Variants in FUT8 observed in about 807,000 individuals in gnomAD.
FUT8 encodes the protein alpha-(1,6)-fucosyltransferase.
FUT8 carries 29 observed loss-of-function variants against 71.3 expected under a neutral mutation model. The ratio of observed to expected loss-of-function variants is 0.41; its 90% confidence interval spans 0.30 to 0.55. FUT8 has a LOEUF of 0.55. Among genes scored for constraint, FUT8 ranks in the 20% least tolerant of loss-of-function variants. FUT8 has a pLI of 0.34. For synonymous variants in FUT8, 254 were observed against 239.3 expected (o/e 1.06, Z -0.57); for missense variants, 544 against 702.1 (o/e 0.77, Z 2.55).
chr14:65,458,440 A>G (rs1049925811), intron 2 of FUT8, among the ~76,000 whole-genome samples: 1 of 152,240 alleles, frequency 6.6e-6, no homozygotes, highest in African/African-American at 2.4e-5. Flanking sequence ...GATGAAAGTG[A>G]TAGAAACTGT....
intron 6 of FUT8, among the ~76,000 whole-genome samples, chr14:65,636,991 G>C (rs1013539485): frequency 9.2e-5 from 14 of 152,168 alleles, no homozygotes; most frequent in African/African-American, 2.9e-4. Context: ...AGCAAATCTT[G>C]TAAGGGCTTT....
intron 2 of FUT8, among the ~76,000 whole-genome samples, chr14:65,527,870 G>T (rs1883607492): frequency 6.6e-6 from 1 of 152,180 alleles, no homozygotes; most frequent in Non-Finnish European, 1.5e-5. Context: ...AATGCATATT[G>T]CTGAACAGCA....
At chr14:65,644,656 C>T (rs920319699) in intron 6 of FUT8, among the ~76,000 whole-genome samples, 21 of 152,186 alleles carry the variant, frequency 1.4e-4, no homozygotes, top group East Asian at 1.4e-3. Flanking sequence ...CCACCGCGCC[C>T]GGCCAATTAT....
intron 7 of FUT8, among the ~76,000 whole-genome samples, chr14:65,702,730 G>A (rs1894367569): frequency 5.3e-5 from 8 of 151,838 alleles, no homozygotes; most frequent in Admixed American, 5.2e-4. Flanking sequence ...GTTACATAGG[G>A]TAGAAATTTT....
intron 10 of FUT8, among the ~76,000 whole-genome samples, chr14:65,738,632 A>G (rs78044333): frequency 0.018 from 2,681 of 152,168 alleles, 80 homozygotes; most frequent in African/African-American, 0.061. Context: ...CTGAGTATGG[A>G]CGTCAGCTGC....
In FUT8 at chr14:65,489,619, A is replaced by C. The variant is rs987585526; in HGVS notation, c.-228+33901A>C. Among the ~76,000 whole-genome samples the C allele has an allele frequency of 6.6e-6, 1 of 152,178 alleles. No individual in the cohort carries two copies. The highest frequency in any genetic ancestry group is 2.4e-5 in the African/African-American group (1 of 41,470). On this transcript the variant is annotated intron_variant, in intron 2 of 10. Coordinates refer to ENST00000673929, the MANE Select transcript of FUT8 (RefSeq NM_001371533.1). The surrounding 1 kb of genome is among the most constrained non-coding windows in gnomAD (Gnocchi z 4.0). ...GAAATTAGCTGTTGATCATATTTAA[A>C]ATATAACATAAAAATGAGTCTTAAA...
At chr14:65,424,539 C>CTTTTTTTT (rs796843891) in intron 1 of FUT8, among the ~76,000 whole-genome samples, 8 of 125,442 alleles carry the variant, frequency 6.4e-5, no homozygotes, top group Non-Finnish European at 8.3e-5. Context: ...CTTTTCTTTT[C>CTTTTTTTT]TTTTTTTTTT....
intron 2 of FUT8, among the ~76,000 whole-genome samples, chr14:65,481,687 G>GTTT (rs567062781): frequency 6.6e-6 from 1 of 151,462 alleles, no homozygotes; most frequent in Non-Finnish European, 1.5e-5. Context: ...CTTTTCTAAA[G>GTTT]TTTTTTTTTA....
chr14:65,457,177 T>C (rs1594650422), intron 2 of FUT8, among the ~76,000 whole-genome samples: 1 of 152,308 alleles, frequency 6.6e-6, no homozygotes, highest in South Asian at 2.1e-4. Flanking sequence ...CTTCATCCCC[T>C]GACCCCATGT....
At chr14:65,717,189 G>A (rs1171680006) in intron 7 of FUT8, among the ~76,000 whole-genome samples, 10 of 112,388 alleles carry the variant, frequency 8.9e-5, no homozygotes, top group Non-Finnish European at 1.5e-4. Context: ...CAGACGGGGC[G>A]GCCGGGCAGA....
chr14:65,579,402 C>T (rs899305237), intron 3 of FUT8, among the ~76,000 whole-genome samples: 1 of 152,078 alleles, frequency 6.6e-6, no homozygotes, highest in Non-Finnish European at 1.5e-5. Flanking sequence ...TTGAAAATGG[C>T]CACTTGAATC....
intron 7 of FUT8, among the ~76,000 whole-genome samples, chr14:65,708,457 GTTC>G (rs1270202904): frequency 6.6e-6 from 1 of 152,076 alleles, no homozygotes; most frequent in Non-Finnish European, 1.5e-5. Context: ...AATAATATTA[GTTC>G]TTCCAATCCA....
intron 5 of FUT8, among the ~76,000 whole-genome samples, chr14:65,625,664 C>T (rs1889860050): frequency 6.6e-6 from 1 of 152,226 alleles, no homozygotes; most frequent in African/African-American, 2.4e-5. Flanking sequence ...AATGTTGACA[C>T]ATGAAACAAA....
intron 2 of FUT8, among the ~76,000 whole-genome samples, chr14:65,527,443 G>C (rs540562641): frequency 6.6e-6 from 1 of 152,096 alleles, no homozygotes; most frequent in Non-Finnish European, 1.5e-5. Flanking sequence ...CTCTACACTG[G>C]TTATTCTAGT....
chr14:65,577,909 A>G (rs17102777), intron 3 of FUT8, among the ~76,000 whole-genome samples: 3,865 of 152,236 alleles, frequency 0.025, 167 homozygotes, highest in African/African-American at 0.088. Flanking sequence ...ATGCTTCTAA[A>G]TATGGGAATT....
intron 2 of FUT8, among the ~76,000 whole-genome samples, chr14:65,534,423 A>C (rs1884155707): frequency 6.6e-6 from 1 of 151,856 alleles, no homozygotes; most frequent in African/African-American, 2.4e-5. Context: ...GGCCTTATAG[A>C]ATCATTTAGG....
the FUT8 span, among the ~76,000 whole-genome samples, chr14:65,394,273 A>G: frequency 6.6e-6 from 1 of 152,136 alleles, no homozygotes; most frequent in Non-Finnish European, 1.5e-5. Context: ...GTTTCCCCTT[A>G]TAAAACCATC....
At chr14:65,465,108 A>G (rs934399757) in intron 2 of FUT8, among the ~76,000 whole-genome samples, 1 of 152,198 alleles carries the variant, frequency 6.6e-6, no homozygotes, top group Non-Finnish European at 1.5e-5. Flanking sequence ...ATTTAAGGGC[A>G]TAGAACCAGC....
chr14:65,633,210 G>A (rs573970081), intron 6 of FUT8, among the ~76,000 whole-genome samples: 145 of 152,192 alleles, frequency 9.5e-4, no homozygotes, highest in African/African-American at 3.3e-3. Context: ...TGGTGGAGAC[G>A]GGGTTTCGCT....
Sources: allele counts gnomAD v4.1 joint callset (sites outside exome capture counted in the v4.1 genomes callset), GRCh38; gene constraint gnomAD v4.1.1; non-coding constraint Gnocchi (gnomAD v3.1); transcripts MANE v1.5; gene names NCBI Gene and HGNC (gene_info 2026-07-23, HGNC 2026-07-21).